The following PEAK1 variants were observed in gnomAD, a reference collection of about 807,000 sequenced individuals.
PEAK1 encodes the protein pseudopodium enriched atypical kinase 1.
A neutral mutation model predicts 124.7 loss-of-function variants in PEAK1; 54 were observed. The ratio of observed to expected loss-of-function variants is 0.43; its 90% CI spans 0.35 to 0.54. The LOEUF is 0.54. PEAK1 is among the 20% of genes least tolerant of loss of function. PEAK1 has a pLI of 0.01. For synonymous variants in PEAK1, 719 were observed against 760.0 expected (o/e 0.95, Z 0.89); for missense variants, 2,046 against 2,134.5 (o/e 0.96, Z 0.82).
At chr15:77,207,589 G>A (rs908599290) in intron 6 of PEAK1, among the ~76,000 whole-genome samples, 1 of 152,032 alleles carries the variant, frequency 6.6e-6, no homozygotes, top group Non-Finnish European at 1.5e-5. Flanking sequence ...GCTAGATATT[G>A]TATGATTCTA....
intron 1 of PEAK1, among the ~76,000 whole-genome samples, chr15:77,369,461 AC>A (rs2068493409): frequency 6.6e-6 from 1 of 152,200 alleles, no homozygotes; most frequent in Non-Finnish European, 1.5e-5. Flanking sequence ...ATGTGCAGGA[AC>A]AAGTACCCTA....
At chr15:77,310,144 T>G (rs1369490133) in intron 2 of PEAK1, among the ~76,000 whole-genome samples, 1 of 152,188 alleles carries the variant, frequency 6.6e-6, no homozygotes, top group Non-Finnish European at 1.5e-5. Flanking sequence ...GTGGCTGGAC[T>G]AAAACTCAGT....
chr15:77,277,860 G>T (rs967221000), intron 5 of PEAK1, among the ~76,000 whole-genome samples: 3 of 152,128 alleles, frequency 2.0e-5, no homozygotes, highest in African/African-American at 7.2e-5. Flanking sequence ...AGAAGGAAAA[G>T]GGATGAATAG....
At chr15:77,385,803 G>A (rs934168131) in intron 1 of PEAK1, among the ~76,000 whole-genome samples, 3 of 152,138 alleles carry the variant, frequency 2.0e-5, no homozygotes, top group Non-Finnish European at 2.9e-5. Flanking sequence ...CTGAGCCTTT[G>A]GTCTTCTAAC....
At chr15:77,191,047 T>C (rs2057807738) in intron 6 of PEAK1, among the ~76,000 whole-genome samples, 1 of 152,208 alleles carries the variant, frequency 6.6e-6, no homozygotes, top group Non-Finnish European at 1.5e-5. Flanking sequence ...ATTATAATAA[T>C]GTACGTCAAC....
At chr15:77,325,945 A>C (rs552467849) in intron 2 of PEAK1, among the ~76,000 whole-genome samples, 1 of 152,272 alleles carries the variant, frequency 6.6e-6, no homozygotes, top group Admixed American at 6.5e-5. Flanking sequence ...GACCATATAA[A>C]TATAACAGAG....
intron 2 of PEAK1, chr15:77,349,979 C>A: frequency 1.0e-6 from 1 of 984,876 alleles, no homozygotes; most frequent in Non-Finnish European, 1.2e-6. Flanking sequence ...TAAAAAGGAT[C>A]AAGCATTATA....
chr15:77,179,346 T>A lies in PEAK1; in HGVS notation c.2581A>T (p.Ser861Cys), dbSNP rs2057092061. The A allele has an allele frequency of 6.2e-7, 1 of 1,613,914 alleles. No individual in the cohort carries two copies. The highest frequency in any genetic ancestry group is 1.7e-5 in the Admixed American group (1 of 59,986). ...GGAGCTGGTGGCTCACTTTGGGGGC[T>A]AGTCACTAATTTGGAGGGAGAGGGG... ...VTPSPSKLVT[S>C]PQSEPPAPFP... The change falls in exon 7 of 10, where the codon AGC (serine) becomes TGC (cysteine). Residue 861 changes from serine (S) to cysteine (C), a missense_variant. By Grantham distance (112) the Ser-to-Cys change is moderately radical. Transcript: ENST00000682557.
chr15:77,146,003 G>A (rs190614712), intron 8 of PEAK1, among the ~76,000 whole-genome samples: 9 of 152,160 alleles, frequency 5.9e-5, no homozygotes, highest in South Asian at 2.1e-4. Context: ...TTCAATCTTC[G>A]TCCCTAATTT....
At chr15:77,243,748 T>C (rs1479336975) in intron 6 of PEAK1, among the ~76,000 whole-genome samples, 1 of 152,094 alleles carries the variant, frequency 6.6e-6, no homozygotes, top group Non-Finnish European at 1.5e-5. Context: ...GGTGGGCAGA[T>C]CACCTGGGGT....
chr15:77,313,648 A>ATGTGTGTGTGTGTGTG (rs1220086755), intron 2 of PEAK1, among the ~76,000 whole-genome samples: 146 of 87,566 alleles, frequency 1.7e-3, no homozygotes, highest in Non-Finnish European at 2.7e-3. Flanking sequence ...GTATGTATGT[A>ATGTGTGTGTGTGTGTG]TGTATGTGTG....
At chr15:77,337,842 A>G (rs2066294505) in intron 2 of PEAK1, 1 of 985,240 alleles carries the variant, frequency 1.0e-6, no homozygotes, top group Admixed American at 6.2e-5. Context: ...AGAGCTAAGA[A>G]GAGCAAGGAC....
At chr15:77,275,001 T>G (rs1388417648) in intron 5 of PEAK1, among the ~76,000 whole-genome samples, 30 of 152,120 alleles carry the variant, frequency 2.0e-4, no homozygotes, top group Admixed American at 2.0e-3. Context: ...AGGAATAAAA[T>G]AATGGCATTT....
At position 77,391,476 on chromosome 15, in the gene PEAK1, C is replaced by CAA. The variant is rs536286745; in HGVS notation, c.-665-26253_-665-26252dup. ...GTACTGGCACCAACCTAACTCATGG[C>CAA]AAAAAAAAAAAAAAAAAAAAAAAAA... On this transcript the variant is annotated intron_variant, in intron 1 of 9. Transcript: ENST00000682557. Among the ~76,000 whole-genome samples, 152 of 68,292 alleles carry CAA rather than the reference C, an allele frequency of 2.2e-3. 13 individuals are homozygous for CAA. Among genetic ancestry groups the CAA allele is most frequent in the African/African-American group, 4.9e-3 (81 of 16,628 alleles). 44.8% of individuals were successfully genotyped at this position (68,292 alleles called of 152,430 possible).
At chr15:77,282,605 A>G (rs923126030) in intron 5 of PEAK1, among the ~76,000 whole-genome samples, 1 of 152,210 alleles carries the variant, frequency 6.6e-6, no homozygotes, top group Non-Finnish European at 1.5e-5. Context: ...CCTAAAGCCA[A>G]ACAAGAGAAA....
At chr15:77,235,436 G>A (rs1026875824) in intron 6 of PEAK1, among the ~76,000 whole-genome samples, 1 of 152,170 alleles carries the variant, frequency 6.6e-6, no homozygotes, top group African/African-American at 2.4e-5. Context: ...GGGAACTGCA[G>A]CAAAGGTGAC....
chr15:77,212,112 A>G (rs577934171), intron 6 of PEAK1, among the ~76,000 whole-genome samples: 1 of 152,256 alleles, frequency 6.6e-6, no homozygotes, highest in African/African-American at 2.4e-5. Context: ...TAATCATTGA[A>G]TTTTCAAAAT....
chr15:77,237,112 A>G (rs2060159078), intron 6 of PEAK1, among the ~76,000 whole-genome samples: 2 of 152,226 alleles, frequency 1.3e-5, no homozygotes, highest in Admixed American at 1.3e-4. Flanking sequence ...TTTTACAATA[A>G]GGAGATTTAA....
chr15:77,400,092 C>A (rs1056404775), intron 1 of PEAK1, among the ~76,000 whole-genome samples: 3 of 152,024 alleles, frequency 2.0e-5, no homozygotes, highest in Non-Finnish European at 2.9e-5. Flanking sequence ...CAGAGAAATG[C>A]AAAATCAATC....
Sources: allele counts gnomAD v4.1 joint callset (sites outside exome capture counted in the v4.1 genomes callset), GRCh38; gene constraint gnomAD v4.1.1; transcripts MANE v1.5; gene names NCBI Gene and HGNC (gene_info 2026-07-23, HGNC 2026-07-21).